Variants in PHRF1 observed in about 807,000 individuals in gnomAD.
PHRF1 encodes the protein PHD and RING finger domain-containing protein 1.
In PHRF1, 53 loss-of-function variants were observed where a neutral mutation model predicts 128.9. The observed-to-expected ratio is 0.41, with a 90% CI of 0.33 to 0.52. The LOEUF is 0.52. Ranked by LOEUF, PHRF1 falls within the 20% of genes least tolerant of loss-of-function variation. PHRF1 has a pLI of 0.21. For synonymous variants in PHRF1, 1,178 were observed against 980.6 expected (o/e 1.20, Z -3.76); for missense variants, 2,503 against 2,284.5 (o/e 1.10, Z -1.95).
At chr11:602,091 G>A (rs1855658541) in intron 10 of PHRF1, among the ~76,000 whole-genome samples, 1 of 152,144 alleles carries the variant, frequency 6.6e-6, no homozygotes, top group Non-Finnish European at 1.5e-5. Flanking sequence ...TGGCTCTGAG[G>A]AGTGACACAA....
In PHRF1 at chr11:606,851, G is replaced by A. The variant is rs551239520; in HGVS notation, c.1610-215G>A. Reference sequence around the variant, plus strand: ...ACTGCCCCCGCCCCTGGTTAATATCGTGTCCTGATGGCCTCAGGCACTGTA... The same window carrying A: ...ACTGCCCCCGCCCCTGGTTAATATCATGTCCTGATGGCCTCAGGCACTGTA... On this transcript the variant is annotated intron_variant, in intron 13 of 17. Transcript: ENST00000264555. 135 of 902,246 alleles carry A rather than the reference G, an allele frequency of 1.5e-4. 2 individuals carry two copies. In the South Asian group the frequency reaches 2.1e-3, roughly 14 times the overall value. The allele number at this position is 902,246 out of a possible 1,614,324, so 55.9% of individuals were successfully genotyped here.
In PHRF1 at chr11:608,531, C is replaced by T; in HGVS notation, c.3075C>T (p.Ser1025=). Reference sequence around the variant, plus strand: ...CGCGCTCTGGGACGCGCTCTGAATCCAGGGACAGGAGCTCGAGGTCAGCGT... The same window carrying T: ...CGCGCTCTGGGACGCGCTCTGAATCTAGGGACAGGAGCTCGAGGTCAGCGT... ...GRTRSGTRSE[S]RDRSSRSASP... Residue 1025 remains serine, a synonymous_variant, in exon 14 of 18, where the codon TCC becomes TCT. Transcript: ENST00000264555. 1.2e-6 allele frequency: 2 copies of T among 1,612,320 alleles called. No homozygotes were observed. The highest frequency in any genetic ancestry group is 1.7e-6 in the Non-Finnish European group (2 of 1,179,782).
intron 9 of PHRF1, among the ~76,000 whole-genome samples, chr11:599,493 C>T (rs866501500): frequency 1.3e-4 from 20 of 152,040 alleles, no homozygotes; most frequent in African/African-American, 4.8e-4. Context: ...TCAGGTGATC[C>T]GACCACCTCA....
rs1412271171 is a variant in PHRF1, at chr11:610,163, G to C, written c.4265-33G>C. ...AGCATTCTGGGCAGGGGTGGGCACA[G>C]AGCACCCACCTCCCTGTCTGTCGGG... On this transcript the variant is annotated intron_variant, in intron 14 of 17. Transcript: ENST00000264555. The C allele has an allele frequency of 5.4e-6, 8 of 1,474,772 alleles. No homozygotes were observed. In the African/African-American group the frequency reaches 1.1e-4, roughly 21 times the overall value. The allele number at this position is 1,474,772 out of a possible 1,614,324, so 91.4% of individuals were successfully genotyped here.
At chr11:592,794 C>T (rs1373342018) in intron 6 of PHRF1, 120 bp downstream of exon 6, 2 of 1,088,808 alleles carry the variant, frequency 1.8e-6, no homozygotes, top group African/African-American at 3.1e-5. Flanking sequence ...GAGCTGTGCT[C>T]ACCACCCTCA....
At chr11:591,085 C>T (rs376425035) in intron 4 of PHRF1, among the ~76,000 whole-genome samples, 1 of 152,190 alleles carries the variant, frequency 6.6e-6, no homozygotes, top group Non-Finnish European at 1.5e-5. Context: ...ACAGGCTCGC[C>T]GCAGAGGGGC....
chr11:604,397 G>T (rs1422340815), intron 10 of PHRF1, among the ~76,000 whole-genome samples: 1 of 152,262 alleles, frequency 6.6e-6, no homozygotes, highest in Non-Finnish European at 1.5e-5. Flanking sequence ...TGCCCTGTCC[G>T]CTCTGCCTAG....
chr11:600,851 A>G (rs530863012), intron 9 of PHRF1, among the ~76,000 whole-genome samples: 3 of 152,344 alleles, frequency 2.0e-5, no homozygotes, highest in Non-Finnish European at 2.9e-5. Context: ...CTGTAGTCCC[A>G]GCTACACGGG....
At chr11:581,738 C>T (rs1218736435) in intron 2 of PHRF1, 132 bp downstream of exon 2, 25 of 1,038,574 alleles carry the variant, frequency 2.4e-5, no homozygotes, top group Admixed American at 2.1e-4. Context: ...TTTTAAATTG[C>T]GGAAGTAGTG....
At chr11:578,634 T>C (rs28510900) in intron 1 of PHRF1, among the ~76,000 whole-genome samples, 151,442 of 152,336 alleles carry the variant, frequency 0.99, 75,284 homozygotes, top group Middle Eastern at 1. Flanking sequence ...TCACATACTA[T>C]GGCTCACTGC....
intron 11 of PHRF1, 99 bp downstream of exon 11, chr11:605,399 T>G: frequency 1.3e-6 from 2 of 1,504,666 alleles, no homozygotes; most frequent in Non-Finnish European, 1.8e-6. Context: ...TTAGGTTTTG[T>G]GTTTGAGAGT....
At chr11:610,443 C>T (rs941274077) in intron 15 of PHRF1, 58 bp from the exon 16 acceptor site, 10 of 1,564,374 alleles carry the variant, frequency 6.4e-6, no homozygotes, top group Non-Finnish European at 7.8e-6. Flanking sequence ...CCTCACAGCT[C>T]CTGGGCACAG....
chr11:609,712 G>T lies in PHRF1; in HGVS notation c.4256G>T (p.Arg1419Ile), dbSNP rs530581261. 74 of 1,490,424 alleles carry T rather than the reference G, an allele frequency of 5.0e-5. No individual in the cohort carries two copies. Among genetic ancestry groups the T allele is most frequent in the Middle Eastern group, 4.8e-4 (2 of 4,188 alleles). The allele number at this position is 1,490,424 out of a possible 1,614,324, so 92.3% of individuals were successfully genotyped here. A position where few individuals can be genotyped will look rare whatever the true frequency, so the allele number is the denominator to read the frequency against. The part of the protein sequence containing the change: ...ESESSAPAED[R>I]APRAPLHRPQ... Reference sequence around the variant, plus strand: ...GAGAGCAGCGCCCCCGCCGAGGACAGAGCCCCCCGTGAGTAGTGCCCCGGC... The same window carrying T: ...GAGAGCAGCGCCCCCGCCGAGGACATAGCCCCCCGTGAGTAGTGCCCCGGC... The change falls in exon 14 of 18, where the codon AGA becomes ATA. Residue 1419 changes from arginine to isoleucine, a missense_variant. Arg to Ile is a moderately conservative substitution (Grantham distance 97). Coordinates refer to ENST00000264555, the MANE Select transcript of PHRF1 (RefSeq NM_001286581.2).
Position 605,607 on chromosome 11 carries a change from G to T in PHRF1, c.1337G>T (p.Ser446Ile). ...DPYELDPFDS[S>I]EELSANPLSP... ...TTGGCCTGTGTCCTCCCCTCTAGCA[G>T]TGAAGAGCTTTCTGCAAACCCTCTT... Residue 446 changes from serine to isoleucine, a missense_variant and splice_region_variant, in exon 12 of 18, where the codon AGT becomes ATT. Coordinates refer to ENST00000264555, the MANE Select transcript of PHRF1 (RefSeq NM_001286581.2). The T allele has an allele frequency of 1.2e-6, 2 of 1,613,712 alleles. No individual in the cohort carries two copies. The highest frequency in any genetic ancestry group is 1.7e-5 in the Admixed American group (1 of 59,998).
In PHRF1 at chr11:609,731, C is replaced by T. The variant is rs772283041; in HGVS notation, c.4264+11C>T. 1.4e-6 allele frequency: 2 copies of T among 1,449,582 alleles called. No individual in the cohort carries two copies. Among genetic ancestry groups the T allele is most frequent in the Non-Finnish European group, 1.8e-6 (2 of 1,101,762 alleles). The allele number at this position is 1,449,582 out of a possible 1,614,324, so 89.8% of individuals were successfully genotyped here. ...AGGACAGAGCCCCCCGTGAGTAGTG[C>T]CCCGGCCCCCACCGAGGACAGAGCC... On this transcript the variant is annotated intron_variant, in intron 14 of 17. Coordinates refer to ENST00000264555, the MANE Select transcript of PHRF1 (RefSeq NM_001286581.2).
At chr11:596,896 A>G (rs1216395090) in intron 6 of PHRF1, 27 bp from the exon 7 acceptor site, 1 of 1,599,320 alleles carries the variant, frequency 6.3e-7, no homozygotes, top group Admixed American at 1.7e-5. Context: ...CAGCACCCGG[A>G]TGCTTTGGCC....
intron 9 of PHRF1, among the ~76,000 whole-genome samples, chr11:600,905 G>A (rs1322048973): frequency 1.3e-5 from 2 of 152,068 alleles, no homozygotes; most frequent in Non-Finnish European, 2.9e-5. Flanking sequence ...GGCAGAGATT[G>A]CAGTGAGCTG....
chr11:605,256 T>C lies in PHRF1; in HGVS notation c.1290T>C (p.Ser430=). ...TGAGAGCGGATATTGGAGCTGCCTC[T>C]CTGTCTCTGTTTGGAGATCCTTATG... ...GLLRADIGAA[S]LSLFGDPYEL... is the part of the protein sequence containing the mutation. The change falls in exon 11 of 18, where the codon TCT becomes TCC. Residue 430 remains serine, a synonymous_variant. Coordinates refer to ENST00000264555, the MANE Select transcript of PHRF1 (RefSeq NM_001286581.2). 1.2e-6 allele frequency: 2 copies of C among 1,613,694 alleles called. No homozygotes were observed. The highest frequency in any genetic ancestry group is 8.5e-7 in the Non-Finnish European group (1 of 1,179,876).
Position 586,705 on chromosome 11 carries a change from G to T in PHRF1, c.215-554G>T, listed in dbSNP as rs911461649. On this transcript the variant is annotated intron_variant, in intron 3 of 17. Coordinates refer to ENST00000264555, the MANE Select transcript of PHRF1 (RefSeq NM_001286581.2). ...CAAGGTGTAGCCTCAGAACCACTCC[G>T]AATTGGCCAGAACGGTTGTGGTTAG... Among the ~76,000 whole-genome samples, 6 of 152,222 alleles carry T rather than the reference G, an allele frequency of 3.9e-5. No individual in the cohort carries two copies. In the East Asian group the frequency reaches 1.2e-3, roughly 29 times the overall value.
Sources: allele counts gnomAD v4.1 joint callset (sites outside exome capture counted in the v4.1 genomes callset), GRCh38; gene constraint gnomAD v4.1.1; transcripts MANE v1.5; gene names NCBI Gene and HGNC (gene_info 2026-07-23, HGNC 2026-07-21).